The following ARHGEF19 variants were observed in gnomAD, a reference collection of about 807,000 sequenced individuals.
ARHGEF19 encodes the protein Rho guanine nucleotide exchange factor (GEF) 19.
ARHGEF19 carries 92 observed loss-of-function variants against 87.6 expected under a neutral mutation model. The observed-to-expected ratio is 1.05, with a 90% CI of 0.89 to 1.25. The LOEUF is 1.25. Ranked by LOEUF, ARHGEF19 falls within the 50% of genes most tolerant of loss-of-function variation. The pLI, the probability that ARHGEF19 is intolerant of heterozygous loss-of-function variation, is 0.00. For synonymous variants in ARHGEF19, 438 were observed against 446.2 expected (o/e 0.98, Z 0.23); for missense variants, 1,054 against 1,051.8 (o/e 1.00, Z -0.03).
Position 16,206,576 on chromosome 1 carries a change from C to T in ARHGEF19, c.1138-236G>A, listed in dbSNP as rs1189940893. 12 of 539,772 alleles carry T rather than the reference C, an allele frequency of 2.2e-5. No individual in the cohort carries two copies. Among genetic ancestry groups the T allele is most frequent in the Non-Finnish European group, 3.9e-5 (12 of 304,312 alleles). 33.4% of individuals were successfully genotyped at this position (539,772 alleles called of 1,614,324 possible). On this transcript the variant is annotated intron_variant, in intron 6 of 15. Coordinates refer to ENST00000270747, the MANE Select transcript of ARHGEF19 (RefSeq NM_153213.5). The surrounding 1 kb of genome is among the most constrained non-coding windows in gnomAD (Gnocchi z 4.6). The stretch of plus-strand genomic sequence containing the variant: ...TAAGCCCCGCCCCGACGCGTTCTTC[C>T]CAGAGCCCCGCCCACCCCCCAGGTC...
chr1:16,198,307 A>G lies in ARHGEF19; in HGVS notation c.*280T>C. On this transcript the variant is annotated 3_prime_UTR_variant, in exon 16 of 16. Transcript: ENST00000270747. This position sits in a 1 kb window ranked among gnomAD's most constrained non-coding sequence, Gnocchi z 4.1. ...GCAGGATTGAGGACATAGAAAGGAGAGGGCCCCAGTCTTTGCCAGGTATCA... is the reference window on the plus strand; with the variant it reads ...GCAGGATTGAGGACATAGAAAGGAGGGGGCCCCAGTCTTTGCCAGGTATCA... 3.2e-6 allele frequency: 1 copy of G among 308,484 alleles called. No individual in the cohort carries two copies. Among genetic ancestry groups the G allele is most frequent in the Non-Finnish European group, 5.9e-6 (1 of 169,126 alleles). 19.1% of individuals were successfully genotyped at this position (308,484 alleles called of 1,614,324 possible).
At chr1:16,200,774 G>C (rs2081078616) in intron 14 of ARHGEF19, among the ~76,000 whole-genome samples, 1 of 151,696 alleles carries the variant, frequency 6.6e-6, no homozygotes, top group Non-Finnish European at 1.5e-5. Flanking sequence ...GGTGGCAAGT[G>C]CCTGTAATCC....
chr1:16,209,217 A>C, intron 1 of ARHGEF19, 134 bp from the exon 2 acceptor site: 1 of 544,170 alleles, frequency 1.8e-6, no homozygotes, highest in East Asian at 3.5e-5. Flanking sequence ...CACATGTCTA[A>C]TTATATAGAA....
chr1:16,204,190 C>T (rs1388335680), intron 12 of ARHGEF19, among the ~76,000 whole-genome samples: 3 of 152,192 alleles, frequency 2.0e-5, no homozygotes, highest in Non-Finnish European at 2.9e-5. Context: ...TTATCCCATT[C>T]ACCTTATCCA....
rs2081120074 is a variant in ARHGEF19, at chr1:16,205,440, C to A, written c.1582-15G>T. On this transcript the variant is annotated splice_polypyrimidine_tract_variant and intron_variant, in intron 9 of 15. Coordinates refer to ENST00000270747, the MANE Select transcript of ARHGEF19 (RefSeq NM_153213.5). The surrounding 1 kb of genome is among the most constrained non-coding windows in gnomAD (Gnocchi z 5.8). ...TTCAGGATGTTCTGGAAGGTGGGAT[C>A]AGCACAATGAGGCAGTCCTCATACT... 1 of 1,611,432 alleles carries A rather than the reference C, an allele frequency of 6.2e-7. No individual in the cohort carries two copies. The highest frequency in any genetic ancestry group is 8.5e-7 in the Non-Finnish European group (1 of 1,178,846).
chr1:16,203,730 CCTGT>C, intron 12 of ARHGEF19, among the ~76,000 whole-genome samples: 1 of 152,316 alleles, frequency 6.6e-6, no homozygotes, highest in South Asian at 2.1e-4. Context: ...ACTCAAACTA[CCTGT>C]CTACCTGGAA....
In ARHGEF19 at chr1:16,205,468, C is replaced by A. The variant is rs779342160; in HGVS notation, c.1582-43G>T. ...CACAATGAGGCAGTCCTCATACTCCCGAGACCCGGCCCGCCCACAGGTGTA... is the reference window on the plus strand; with the variant it reads ...CACAATGAGGCAGTCCTCATACTCCAGAGACCCGGCCCGCCCACAGGTGTA... On this transcript the variant is annotated intron_variant, in intron 9 of 15. Transcript: ENST00000270747. The surrounding 1 kb of genome is among the most constrained non-coding windows in gnomAD (Gnocchi z 5.8). The A allele has an allele frequency of 6.2e-7, 1 of 1,612,476 alleles. No homozygotes were observed. The highest frequency in any genetic ancestry group is 1.7e-5 in the Admixed American group (1 of 59,344).
In ARHGEF19 at chr1:16,206,113, C is replaced by G. The variant is rs2081131377; in HGVS notation, c.1299-30G>C. 3 of 1,574,256 alleles carry G rather than the reference C, an allele frequency of 1.9e-6. No individual in the cohort carries two copies. Among genetic ancestry groups the G allele is most frequent in the Non-Finnish European group, 2.6e-6 (3 of 1,158,720 alleles). ...GGAGTCAGAGCCAGGATGGAGACCC[C>G]AGATCTGGGAGCTGGCCAACCACTG... On this transcript the variant is annotated intron_variant, in intron 7 of 15. Coordinates refer to ENST00000270747, the MANE Select transcript of ARHGEF19 (RefSeq NM_153213.5). The surrounding 1 kb of genome is among the most constrained non-coding windows in gnomAD (Gnocchi z 4.6).
rs753091347 is a variant in ARHGEF19, at chr1:16,205,469, G to A, written c.1582-44C>T. The A allele has an allele frequency of 5.8e-5, 93 of 1,612,530 alleles. No individual in the cohort carries two copies. The Middle Eastern group carries it at 8.3e-4, about 14-fold the overall frequency. On this transcript the variant is annotated intron_variant, in intron 9 of 15. Transcript: ENST00000270747. The surrounding 1 kb of genome is among the most constrained non-coding windows in gnomAD (Gnocchi z 5.8). ...ACAATGAGGCAGTCCTCATACTCCC[G>A]AGACCCGGCCCGCCCACAGGTGTAT...
At position 16,208,141 on chromosome 1, in the gene ARHGEF19, A is replaced by T; in HGVS notation, c.497T>A (p.Val166Glu). The change falls in exon 3 of 16, where the codon GTG (valine) becomes GAG (glutamate). Residue 166 changes from valine (V) to glutamate (E), a missense_variant. Transcript: ENST00000270747. ...CTCTGTGCTCAGGGCCTGCTCTTGC[A>T]CTACCTGGCCAGGCTCTAGGAAGAC... The part of the protein sequence containing the change: ...HAVFLEPGQV[V>E]QEQALSTEEP... 6.2e-7 allele frequency: 1 copy of T among 1,613,444 alleles called. No homozygotes were observed. The highest frequency in any genetic ancestry group is 8.5e-7 in the Non-Finnish European group (1 of 1,179,530).
At chr1:16,210,832 G>C (rs1488821898) in intron 1 of ARHGEF19, among the ~76,000 whole-genome samples, 3 of 152,186 alleles carry the variant, frequency 2.0e-5, no homozygotes, top group East Asian at 3.8e-4. Context: ...TGCACTTAGA[G>C]GGAAAGCCTT....
intron 1 of ARHGEF19, among the ~76,000 whole-genome samples, chr1:16,210,273 C>CAGGG (rs528106255): frequency 1.3e-5 from 2 of 152,008 alleles, no homozygotes; most frequent in East Asian, 1.9e-4. Flanking sequence ...GTGAGGCAAG[C>CAGGG]AGGGAGGGAG....
intron 2 of ARHGEF19, 37 bp from the exon 3 acceptor site, chr1:16,208,262 G>C (rs1195769673): frequency 1.3e-6 from 2 of 1,595,462 alleles, no homozygotes; most frequent in Non-Finnish European, 1.7e-6. Context: ...CACGGGCTGG[G>C]GTCTCCCCCA....
chr1:16,203,529 T>C (rs186108055), intron 12 of ARHGEF19, among the ~76,000 whole-genome samples: 21 of 152,128 alleles, frequency 1.4e-4, no homozygotes, highest in Non-Finnish European at 2.4e-4. Context: ...AGGAGCAAAA[T>C]ATCATCCCTC....
chr1:16,205,853 C>T lies in ARHGEF19; in HGVS notation c.1451+78G>A, dbSNP rs920331705. On this transcript the variant is annotated intron_variant, in intron 8 of 15. Transcript: ENST00000270747. This position sits in a 1 kb window ranked among gnomAD's most constrained non-coding sequence, Gnocchi z 5.8. ...CCCCTCCCCTCCCAGAGTCACCTTA[C>T]GTCACCCAGCCCTCAGTGCCTACAC... The T allele has an allele frequency of 7.2e-5, 110 of 1,526,058 alleles. No homozygotes were observed. In the East Asian group the frequency reaches 2.1e-3, roughly 30 times the overall value. The allele number at this position is 1,526,058 out of a possible 1,614,324, so 94.5% of individuals were successfully genotyped here. A position where few individuals can be genotyped will look rare whatever the true frequency, so the allele number is the denominator to read the frequency against.
chr1:16,207,201 T>TA lies in ARHGEF19; in HGVS notation c.883dup (p.Tyr295LeufsTer89). On this transcript the variant is annotated frameshift_variant, in exon 6 of 16. Coordinates refer to ENST00000270747, the MANE Select transcript of ARHGEF19 (RefSeq NM_153213.5). LOFTEE classifies it high-confidence loss of function. This position sits in a 1 kb window ranked among gnomAD's most constrained non-coding sequence, Gnocchi z 4.0. ...GCTGGCCACGTCGCTGTATTCCTGA[T>TA]AGAGGACGGCTGGGGGAAAGACGGG... 3 of 1,527,080 alleles carry TA rather than the reference T, an allele frequency of 2.0e-6. No individual in the cohort carries two copies. The highest frequency in any genetic ancestry group is 2.6e-6 in the Non-Finnish European group (3 of 1,141,706). The allele number at this position is 1,527,080 out of a possible 1,614,324, so 94.6% of individuals were successfully genotyped here.
rs771651623 is a variant in ARHGEF19, at chr1:16,207,642, G to C, written c.797+33C>G. On this transcript the variant is annotated intron_variant, in intron 4 of 15. Transcript: ENST00000270747. The surrounding 1 kb of genome is among the most constrained non-coding windows in gnomAD (Gnocchi z 4.0). The stretch of plus-strand genomic sequence containing the variant: ...CACGGCCCTAGTTCGCCTGCACCCT[G>C]TCTCGGACCCAAGCCCAAACGGGAG... 6.2e-7 allele frequency: 1 copy of C among 1,614,048 alleles called. No individual in the cohort carries two copies.
At position 16,206,232 on chromosome 1, in the gene ARHGEF19, C is replaced by T. The variant is rs1340553246; in HGVS notation, c.1246G>A (p.Asp416Asn). 2.5e-6 allele frequency: 4 copies of T among 1,597,096 alleles called. No individual in the cohort carries two copies. Among genetic ancestry groups the T allele is most frequent in the Non-Finnish European group, 3.4e-6 (4 of 1,171,886 alleles). The change falls in exon 7 of 16, where the codon GAC becomes AAC. Residue 416 changes from aspartate to asparagine, a missense_variant. Physicochemically the swap from Asp to Asn is conservative, Grantham distance 23 (BLOSUM62 1). Coordinates refer to ENST00000270747, the MANE Select transcript of ARHGEF19 (RefSeq NM_153213.5). The surrounding 1 kb of genome is among the most constrained non-coding windows in gnomAD (Gnocchi z 4.6). ...AGTTTGGAAAACAGCCACTGCTTGT[C>T]CTGCGCCCCCAGACACTCGCTCAGC... ...AELSECLGAQ[D>N]KQWLFSKLPE...
Position 16,198,586 on chromosome 1 carries a change from ATC to A in ARHGEF19, c.2408_2409del (p.Ter803LeufsTer42). 1 of 1,604,908 alleles carries A rather than the reference ATC, an allele frequency of 6.2e-7. No homozygotes were observed. Among genetic ancestry groups the A allele is most frequent in the Non-Finnish European group, 8.5e-7 (1 of 1,174,974 alleles). ...GTGGGGTCCTAGGCCATGGCTGCCCATCACACAGGAGCCTCCCCCAGTTTGCT... is the reference window on the plus strand; with the variant it reads ...GTGGGGTCCTAGGCCATGGCTGCCCAACACAGGAGCCTCCCCCAGTTTGCT... ...ATSKLGEAPV[*>X] On this transcript the variant is annotated frameshift_variant and stop_lost, in exon 16 of 16. Transcript: ENST00000270747. LOFTEE classifies it high-confidence loss of function. The surrounding 1 kb of genome is among the most constrained non-coding windows in gnomAD (Gnocchi z 4.1).
Sources: allele counts gnomAD v4.1 joint callset (sites outside exome capture counted in the v4.1 genomes callset), GRCh38; gene constraint gnomAD v4.1.1; non-coding constraint Gnocchi (gnomAD v3.1); transcripts MANE v1.5; gene names NCBI Gene and HGNC (gene_info 2026-07-23, HGNC 2026-07-21).